The following THADA variants were observed in gnomAD, a reference collection of about 807,000 sequenced individuals.
THADA encodes THADA armadillo repeat containing.
A neutral mutation model predicts 219.8 loss-of-function variants in THADA; 213 were observed. The observed-to-expected ratio is 0.97, with a 90% CI of 0.87 to 1.09. THADA has a LOEUF of 1.09. Among genes scored for constraint, THADA ranks in the 50% least tolerant of loss-of-function variants. The pLI, the probability that THADA is intolerant of heterozygous loss-of-function variation, is 0.00. For synonymous variants in THADA, 1,018 were observed against 828.9 expected (o/e 1.23, Z -3.92); for missense variants, 2,956 against 2,311.3 (o/e 1.28, Z -5.72).
At chr2:43,436,358 G>A (rs1387759599) in intron 26 of THADA, among the ~76,000 whole-genome samples, 1 of 152,146 alleles carries the variant, frequency 6.6e-6, no homozygotes, top group Non-Finnish European at 1.5e-5. Flanking sequence ...ATTGCCCCAA[G>A]AGCCTTCCTC....
chr2:43,349,006 G>A (rs1020806910), intron 29 of THADA, among the ~76,000 whole-genome samples: 1 of 152,154 alleles, frequency 6.6e-6, no homozygotes, highest in Non-Finnish European at 1.5e-5. Flanking sequence ...AAGCTTTGTT[G>A]CCCTAAGATG....
intron 29 of THADA, among the ~76,000 whole-genome samples, chr2:43,384,866 G>A (rs767351710): frequency 3.9e-5 from 6 of 152,188 alleles, no homozygotes; most frequent in Non-Finnish European, 7.3e-5. Context: ...GAGGCCAGGT[G>A]CAGTGGCTCA....
intron 28 of THADA, among the ~76,000 whole-genome samples, chr2:43,424,883 CA>C (rs1238179675): frequency 6.6e-6 from 1 of 152,150 alleles, no homozygotes; most frequent in Non-Finnish European, 1.5e-5. Context: ...CCAATCCAAT[CA>C]GTCACTTTTC....
chr2:43,447,670 G>A (rs2104882953), intron 26 of THADA, among the ~76,000 whole-genome samples: 1 of 152,262 alleles, frequency 6.6e-6, no homozygotes, highest in East Asian at 1.9e-4. Context: ...AAGCACTCAG[G>A]ACACAAAGTG....
At position 43,432,077 on chromosome 2, in the gene THADA, C is replaced by T. The variant is rs570529249; in HGVS notation, c.3837-1775G>A. Among the ~76,000 whole-genome samples, 107 of 125,024 alleles carry T rather than the reference C, an allele frequency of 8.6e-4. 4 individuals carry two copies. Among genetic ancestry groups the T allele is most frequent in the South Asian group, 1.5e-3 (6 of 3,926 alleles). 82.0% of individuals were successfully genotyped at this position (125,024 alleles called of 152,430 possible). ...TTCACCGTTTTAGCCGGGATGGTCTCGATCTCCTGACCTCGTGATCCGCCC... is the reference window on the plus strand; with the variant it reads ...TTCACCGTTTTAGCCGGGATGGTCTTGATCTCCTGACCTCGTGATCCGCCC... On this transcript the variant is annotated intron_variant, in intron 26 of 37. Transcript: ENST00000405975.
chr2:43,300,842 G>A (rs142690508), intron 31 of THADA, among the ~76,000 whole-genome samples: 3 of 152,292 alleles, frequency 2.0e-5, no homozygotes, highest in East Asian at 3.9e-4. Flanking sequence ...GAGATGCCCC[G>A]AAGGGCTTGT....
intron 31 of THADA, among the ~76,000 whole-genome samples, chr2:43,293,423 C>T (rs1430590683): frequency 6.6e-6 from 1 of 152,176 alleles, no homozygotes; most frequent in African/African-American, 2.4e-5. Context: ...ATTTTTCCAA[C>T]AGGGGCACAA....
Position 43,503,659 on chromosome 2 carries a change from G to A in THADA, c.3621+1963C>T, listed in dbSNP as rs185152792. Among the ~76,000 whole-genome samples the A allele has an allele frequency of 2.7e-4, 41 of 152,130 alleles. No homozygotes were observed. The East Asian group carries it at 5.8e-3, about 22-fold the overall frequency. ...TATTCACTATACATTTCTGTATACT[G>A]AAATATTTCAAAGATACATAATAAA... On this transcript the variant is annotated intron_variant, in intron 24 of 37. Coordinates refer to ENST00000405975, the MANE Select transcript of THADA (RefSeq NM_022065.5).
intron 28 of THADA, among the ~76,000 whole-genome samples, chr2:43,427,542 A>C (rs1414223483): frequency 1.0e-5 from 1 of 96,602 alleles, no homozygotes; most frequent in African/African-American, 3.6e-5. Context: ...TGTGTATACA[A>C]GTTATATATA....
chr2:43,507,255 A>C (rs1450603610), intron 23 of THADA, among the ~76,000 whole-genome samples: 4 of 152,220 alleles, frequency 2.6e-5, no homozygotes, highest in African/African-American at 9.6e-5. Flanking sequence ...CCAAAGAGCT[A>C]GGTAAAGTTA....
At chr2:43,322,453 G>A (rs1211348695) in intron 30 of THADA, among the ~76,000 whole-genome samples, 2 of 151,718 alleles carry the variant, frequency 1.3e-5, no homozygotes, top group African/African-American at 4.8e-5. Flanking sequence ...GCAGTGAGCT[G>A]AGATCATGCC....
At chr2:43,536,319 C>A (rs569435482) in intron 21 of THADA, among the ~76,000 whole-genome samples, 3 of 152,244 alleles carry the variant, frequency 2.0e-5, no homozygotes, top group African/African-American at 7.2e-5. Flanking sequence ...TCTGTTTGTA[C>A]ACCAGTACCA....
At chr2:43,306,751 A>G (rs1171474108) in intron 31 of THADA, among the ~76,000 whole-genome samples, 6 of 152,198 alleles carry the variant, frequency 3.9e-5, no homozygotes, top group Admixed American at 3.9e-4. Flanking sequence ...TCCAGCCCCA[A>G]CATGGAGAGA....
At chr2:43,523,294 G>A (rs1260928591) in intron 22 of THADA, among the ~76,000 whole-genome samples, 2 of 151,722 alleles carry the variant, frequency 1.3e-5, no homozygotes, top group African/African-American at 4.8e-5. Context: ...CTTAAGCCAG[G>A]AGGCAGAAGT....
chr2:43,586,579 G>GT (rs1701051557), intron 6 of THADA, 123 bp downstream of exon 6: 1 of 1,320,538 alleles, frequency 7.6e-7, no homozygotes, highest in South Asian at 1.5e-5. Context: ...AAAAGGAAGG[G>GT]TCATGATGTA....
At chr2:43,231,979 T>G (rs1667478882) in intron 37 of THADA, among the ~76,000 whole-genome samples, 1 of 147,810 alleles carries the variant, frequency 6.8e-6, no homozygotes, top group South Asian at 2.1e-4. Flanking sequence ...AGTTTCCCTA[T>G]CTGTGACTGC....
At chr2:43,492,165 T>A (rs1414749508) in intron 25 of THADA, 1 of 151,928 alleles carries the variant, frequency 6.6e-6, no homozygotes, top group East Asian at 1.9e-4. Flanking sequence ...ATACAAAAAT[T>A]AGCTGGACTT....
chr2:43,234,387 T>G (rs1201310178), intron 36 of THADA, among the ~76,000 whole-genome samples: 1 of 152,154 alleles, frequency 6.6e-6, no homozygotes, highest in Non-Finnish European at 1.5e-5. Context: ...GAGCTCCAGA[T>G]AAGTCCCCCA....
At chr2:43,567,077 T>C (rs1485279019) in intron 14 of THADA, among the ~76,000 whole-genome samples, 5 of 144,810 alleles carry the variant, frequency 3.5e-5, no homozygotes, top group South Asian at 4.6e-4. Flanking sequence ...CCCAGACAGA[T>C]ACGTACACTT....
Sources: gnomAD v4.1 joint callset for allele counts (sites outside exome capture counted in the v4.1 genomes callset) on GRCh38, gnomAD v4.1.1 for gene constraint, MANE v1.5 for transcripts, NCBI Gene and HGNC (gene_info 2026-07-23, HGNC 2026-07-21) for gene names.